The following MCTP2 variants were observed in gnomAD, a reference collection of about 807,000 sequenced individuals.
MCTP2 encodes multiple C2 and transmembrane domain containing 2, also known as multiple C2 and transmembrane domain-containing protein 2.
MCTP2 carries 132 observed loss-of-function variants against 111.6 expected under a neutral mutation model. The observed-to-expected ratio is 1.18, with a 90% CI of 1.03 to 1.37. The LOEUF (loss-of-function observed/expected upper bound fraction) is 1.37, where lower values mean the gene tolerates loss of function less well. Ranked by LOEUF, MCTP2 falls within the 40% of genes most tolerant of loss-of-function variation. The probability of loss-of-function intolerance (pLI) is 0.00; values close to 1 mark genes in which losing one functional copy is unlikely to be tolerated. For synonymous variants in MCTP2, 395 were observed against 387.7 expected (o/e 1.02, Z -0.22); for missense variants, 1,183 against 1,067.9 (o/e 1.11, Z -1.50).
rs2074771980 is a variant in MCTP2 at position 94,482,422 on chromosome 15, G to A, written c.*3388G>A. 1 of 152,152 alleles carries A rather than the reference G, an allele frequency of 6.6e-6. No homozygotes were observed. The highest frequency in any genetic ancestry group is 2.1e-4 in the South Asian group (1 of 4,826). The allele number at this position is 152,152 out of a possible 1,614,324, so 9.4% of individuals were successfully genotyped here. ...AGGACTTAACAATTGCTGGACTATG[G>A]GATGAGGGAGCGTAGAGTCAAGGAT... On this transcript the variant is annotated 3_prime_UTR_variant, in exon 23 of 23. Transcript: ENST00000357742.
At chr15:94,305,409 T>C (rs940662297) in intron 2 of MCTP2, among the ~76,000 whole-genome samples, 7 of 152,200 alleles carry the variant, frequency 4.6e-5, no homozygotes, top group African/African-American at 9.7e-5. Flanking sequence ...CCAAGACTTG[T>C]GGCTAAAGAG....
intron 20 of MCTP2, 43 bp from the exon 21 acceptor site, chr15:94,470,290 G>C: frequency 7.4e-7 from 1 of 1,345,760 alleles, no homozygotes; most frequent in Non-Finnish European, 1.1e-6. Context: ...TGTGGCAGTT[G>C]TTGAACATCA....
At chr15:94,468,048 C>T (rs529169120) in intron 20 of MCTP2, among the ~76,000 whole-genome samples, 80 of 151,314 alleles carry the variant, frequency 5.3e-4, no homozygotes, top group Non-Finnish European at 9.7e-4. Context: ...TTTGTTCATG[C>T]GAAAGTTTAT....
intron 10 of MCTP2, 95 bp from the exon 11 acceptor site, chr15:94,367,510 G>A (rs1567542144): frequency 1.0e-6 from 1 of 961,498 alleles, no homozygotes; most frequent in Non-Finnish European, 1.6e-6. Context: ...AGTGAGTTTT[G>A]GGGGATGATG....
At chr15:94,442,037 G>A (rs1443961253) in intron 18 of MCTP2, among the ~76,000 whole-genome samples, 1 of 152,178 alleles carries the variant, frequency 6.6e-6, no homozygotes, top group African/African-American at 2.4e-5. Flanking sequence ...ATACTTTAGA[G>A]TTACTCCCTT....
chr15:94,368,424 C>T (rs2079311422), intron 11 of MCTP2, among the ~76,000 whole-genome samples: 1 of 152,108 alleles, frequency 6.6e-6, no homozygotes, highest in Admixed American at 6.6e-5. Flanking sequence ...CTGCTTTTAT[C>T]CTATCTTCTG....
At chr15:94,304,132 A>G (rs1354004965) in intron 2 of MCTP2, among the ~76,000 whole-genome samples, 2 of 152,238 alleles carry the variant, frequency 1.3e-5, no homozygotes, top group Non-Finnish European at 2.9e-5. Flanking sequence ...CTAATTTGCC[A>G]TGAGAATTAA....
chr15:94,374,726 GC>G (rs1423907561), intron 12 of MCTP2, among the ~76,000 whole-genome samples: 3 of 152,056 alleles, frequency 2.0e-5, no homozygotes, highest in Non-Finnish European at 2.9e-5. Flanking sequence ...CACACTCATG[GC>G]CCTTACCCTG....
chr15:94,402,662 T>C, intron 17 of MCTP2: 1 of 1,525,036 alleles, frequency 6.6e-7, no homozygotes, highest in Non-Finnish European at 8.8e-7. Flanking sequence ...GCTGGCCTCA[T>C]GCCTTCACTT....
chr15:94,445,806 A>G (rs985968078), intron 19 of MCTP2, among the ~76,000 whole-genome samples: 2 of 152,210 alleles, frequency 1.3e-5, no homozygotes, highest in African/African-American at 4.8e-5. Flanking sequence ...ACACACAGCC[A>G]TTTTGTTCAA....
Position 94,401,954 on chromosome 15 carries a change from A to G in MCTP2, c.2020A>G (p.Thr674Ala). ...AAGAATCACTATGGCAATATGGAATACAATGCAGTTCCTTAAAAGCTGCTT... is the reference window on the plus strand; with the variant it reads ...AAGAATCACTATGGCAATATGGAATGCAATGCAGTTCCTTAAAAGCTGCTT... ...VKRITMAIWN[T>A]MQFLKSCFQW... The change falls in exon 17 of 23, where the codon ACA (threonine) becomes GCA (alanine). Residue 674 changes from threonine (T) to alanine (A), a missense_variant. Thr to Ala is a moderately conservative substitution (Grantham distance 58). Coordinates refer to ENST00000357742, the MANE Select transcript of MCTP2 (RefSeq NM_001385001.1). The G allele has an allele frequency of 6.2e-7, 1 of 1,612,742 alleles. No homozygotes were observed. Among genetic ancestry groups the G allele is most frequent in the South Asian group, 1.1e-5 (1 of 91,012 alleles).
intron 2 of MCTP2, among the ~76,000 whole-genome samples, chr15:94,311,270 G>A (rs539186927): frequency 5.7e-4 from 87 of 151,502 alleles, no homozygotes; most frequent in African/African-American, 1.9e-3. Context: ...CAGGTGATCC[G>A]CCCACCTTGG....
At chr15:94,363,428 T>C (rs563270487) in intron 10 of MCTP2, among the ~76,000 whole-genome samples, 14 of 152,060 alleles carry the variant, frequency 9.2e-5, no homozygotes, top group Non-Finnish European at 1.9e-4. Context: ...AGCTGAGACT[T>C]GTAGGAATAG....
intron 2 of MCTP2, among the ~76,000 whole-genome samples, chr15:94,307,233 A>T (rs933998529): frequency 2.6e-5 from 4 of 152,206 alleles, no homozygotes; most frequent in African/African-American, 9.7e-5. Context: ...TAATCAGAAC[A>T]TAAAGTGTCA....
At chr15:94,407,513 T>C (rs1419815577) in intron 17 of MCTP2, among the ~76,000 whole-genome samples, 3 of 152,190 alleles carry the variant, frequency 2.0e-5, no homozygotes, top group Non-Finnish European at 4.4e-5. Flanking sequence ...TTTTTGAGTA[T>C]AGGGAAATAA....
intron 17 of MCTP2, among the ~76,000 whole-genome samples, chr15:94,408,580 T>G (rs915974952): frequency 1.3e-5 from 2 of 152,238 alleles, no homozygotes. Context: ...TAATTGCACC[T>G]TCTATTGGCA....
At chr15:94,438,690 T>G (rs569137992) in intron 17 of MCTP2, among the ~76,000 whole-genome samples, 28 of 152,246 alleles carry the variant, frequency 1.8e-4, no homozygotes, top group African/African-American at 6.0e-4. Context: ...GCTGGACAAA[T>G]TTTTGTTTAA....
chr15:94,243,674 CATAT>C (rs762970426), intron 1 of MCTP2, among the ~76,000 whole-genome samples: 1 of 147,968 alleles, frequency 6.8e-6, no homozygotes, highest in South Asian at 2.1e-4. Context: ...TATATATACA[CATAT>C]ATGTATACAC....
rs1224123603 is a variant in MCTP2, at chr15:94,246,551, G to A, written c.-66+14887G>A. Among the ~76,000 whole-genome samples the A allele has an allele frequency of 2.6e-5, 4 of 152,138 alleles. 1 individual carries two copies. Among genetic ancestry groups the A allele is most frequent in the African/African-American group, 4.8e-5 (2 of 41,426 alleles). ...ACTTTAATGCCATATAATGTGTCAT[G>A]TTTACCTCCCTTAATAGAACCTAAT... On this transcript the variant is annotated intron_variant, in intron 1 of 22. Coordinates refer to ENST00000357742, the MANE Select transcript of MCTP2 (RefSeq NM_001385001.1).
Sources: gnomAD v4.1 joint callset for allele counts (sites outside exome capture counted in the v4.1 genomes callset) on GRCh38, gnomAD v4.1.1 for gene constraint, MANE v1.5 for transcripts, NCBI Gene and HGNC (gene_info 2026-07-23, HGNC 2026-07-21) for gene names.